The following CD300LF variants were observed in gnomAD, a reference collection of about 807,000 sequenced individuals.
CD300LF encodes CMRF35-like molecule 1.
CD300LF carries 27 observed loss-of-function variants against 32.2 expected under a neutral mutation model. That is an observed-to-expected ratio of 0.84 (90% CI 0.62 to 1.15). The LOEUF (loss-of-function observed/expected upper bound fraction) is 1.15, where lower values mean the gene tolerates loss of function less well. Among genes scored for constraint, CD300LF ranks in the 50% most tolerant of loss-of-function variants. CD300LF has a pLI of 0.00. For synonymous variants in CD300LF, 139 were observed against 143.2 expected, an observed-to-expected ratio of 0.97 and a Z score of 0.21; for missense variants, 348 against 356.8, an observed-to-expected ratio of 0.98 and a Z score of 0.20.
At chr17:74,707,659 G>A (rs2033623971) in intron 1 of CD300LF, among the ~76,000 whole-genome samples, 1 of 151,270 alleles carries the variant, frequency 6.6e-6, no homozygotes, top group East Asian at 1.9e-4. Flanking sequence ...AGGTTGCAGT[G>A]AGCCAAGATC....
rs778434603 is a variant in CD300LF at position 74,695,895 on chromosome 17, T to C, written c.583-36A>G. On this transcript the variant is annotated intron_variant, in intron 5 of 6. Coordinates refer to ENST00000326165, the MANE Select transcript of CD300LF (RefSeq NM_139018.5). ...GAACACAGGCTGGGGAGTCACAAGA[T>C]CTGTCTGTGGACACAGGTTCCTTTT... The C allele has an allele frequency of 1.6e-5, 26 of 1,601,124 alleles. No individual in the cohort carries two copies. The African/African-American group carries it at 2.4e-4, about 15-fold the overall frequency.
chr17:74,702,567 G>A (rs1362231127), intron 3 of CD300LF, among the ~76,000 whole-genome samples: 1 of 151,990 alleles, frequency 6.6e-6, no homozygotes, highest in Non-Finnish European at 1.5e-5. Context: ...GAAAATTAAG[G>A]GAAACAGGAC....
At chr17:74,701,168 T>TATA (rs1386469675) in intron 3 of CD300LF, among the ~76,000 whole-genome samples, 1 of 152,256 alleles carries the variant, frequency 6.6e-6, no homozygotes, top group Non-Finnish European at 1.5e-5. Flanking sequence ...AGCAAACTAA[T>TATA]ATAAGGATTA....
chr17:74,705,450 T>C, intron 1 of CD300LF: 1 of 509,382 alleles, frequency 2.0e-6, no homozygotes. Context: ...AATTGCAAAT[T>C]TGTGGATTTC....
intron 1 of CD300LF, among the ~76,000 whole-genome samples, chr17:74,707,439 G>A (rs1297637409): frequency 6.6e-6 from 1 of 152,212 alleles, no homozygotes; most frequent in Non-Finnish European, 1.5e-5. Context: ...AAGAGGGTCA[G>A]GCACAGTATT....
Position 74,695,176 on chromosome 17 carries a change from T to C in CD300LF, c.793A>G (p.Asn265Asp). The C allele has an allele frequency of 6.2e-7, 1 of 1,614,134 alleles. No individual in the cohort carries two copies. Among genetic ancestry groups the C allele is most frequent in the Non-Finnish European group, 8.5e-7 (1 of 1,180,010 alleles). ...GAEDQEPTYC[N>D]MGHLSSHLPG... Reference sequence around the variant, plus strand: ...AGGTGGCTACTGAGGTGGCCCATGTTGCAGTAGGTCGGTTCCTGATCCTCA... The same window carrying C: ...AGGTGGCTACTGAGGTGGCCCATGTCGCAGTAGGTCGGTTCCTGATCCTCA... The change falls in exon 7 of 7, where the codon AAC becomes GAC. Residue 265 changes from asparagine (N) to aspartate (D), a missense_variant. Physicochemically the swap from Asn to Asp is conservative, Grantham distance 23. Coordinates refer to ENST00000326165, the MANE Select transcript of CD300LF (RefSeq NM_139018.5).
chr17:74,699,539 CAG>C (rs1277351916), intron 3 of CD300LF, among the ~76,000 whole-genome samples: 1 of 152,072 alleles, frequency 6.6e-6, no homozygotes, highest in Non-Finnish European at 1.5e-5. Context: ...CATGAGACGA[CAG>C]AGACAGGGAT....
chr17:74,704,967 T>A (rs2033390423), intron 1 of CD300LF, 151 bp from the exon 2 acceptor site: 31 of 658,922 alleles, frequency 4.7e-5, no homozygotes, highest in Non-Finnish European at 5.2e-6. Flanking sequence ...CTTTTGTCCT[T>A]CAGCTTTCCA....
Position 74,694,771 on chromosome 17 carries a change from T to G in CD300LF, c.*325A>C. The G allele has an allele frequency of 1.8e-5, 4 of 219,230 alleles. No homozygotes were observed. The highest frequency in any genetic ancestry group is 2.7e-5 in the Non-Finnish European group (3 of 111,594). 13.6% of individuals were successfully genotyped at this position (219,230 alleles called of 1,614,324 possible). On this transcript the variant is annotated 3_prime_UTR_variant, in exon 7 of 7. Transcript: ENST00000326165. ...GTGGTAGGCAATAAATAAAGGTTCATTGTATTACGATAATGGTACTTCATG... is the reference window on the plus strand; with the variant it reads ...GTGGTAGGCAATAAATAAAGGTTCAGTGTATTACGATAATGGTACTTCATG...
rs953052846 is a variant in CD300LF at position 74,697,251 on chromosome 17, T to C, written c.560-1034A>G. On this transcript the variant is annotated intron_variant, in intron 4 of 6. Coordinates refer to ENST00000326165, the MANE Select transcript of CD300LF (RefSeq NM_139018.5). ...GAGCCACGACACCCAGAGATTGGAT[T>C]GGATTGTTTTTCCACTGGGACCGAT... Among the ~76,000 whole-genome samples, 6 of 152,156 alleles carry C rather than the reference T, an allele frequency of 3.9e-5. No homozygotes were observed. In the East Asian group the frequency reaches 1.2e-3, roughly 29 times the overall value.
chr17:74,695,232 T>G lies in CD300LF; in HGVS notation c.737A>C (p.Asp246Ala). The G allele has an allele frequency of 6.2e-7, 1 of 1,614,016 alleles. No homozygotes were observed. Among genetic ancestry groups the G allele is most frequent in the Non-Finnish European group, 8.5e-7 (1 of 1,179,970 alleles). The change falls in exon 7 of 7, where the codon GAC becomes GCC. Residue 246 changes from aspartate to alanine, a missense_variant. Asp to Ala is a moderately radical substitution (Grantham distance 126, BLOSUM62 -2). Transcript: ENST00000326165. ...YVTMASLPKE[D>A]ISYASLTLGA... Reference sequence around the variant, plus strand: ...CAAGGTCAGAGATGCATAGGAAATGTCCTCCTTCGGCAAGGAAGCCTGCAG... The same window carrying G: ...CAAGGTCAGAGATGCATAGGAAATGGCCTCCTTCGGCAAGGAAGCCTGCAG...
Position 74,704,691 on chromosome 17 carries a change from C to A in CD300LF, c.169G>T (p.Ala57Ser). The change falls in exon 2 of 7, where the codon GCT becomes TCT. Residue 57 changes from alanine to serine, a missense_variant. Ala to Ser is a moderately conservative substitution (Grantham distance 99). Transcript: ENST00000326165. ...ETYLKWWCRG[A>S]IWRDCKILVK... ...AGGATCTTGCAGTCACGCCAAATAGCTCCTCGACACCACCACTTCAAGTAG... is the reference window on the plus strand; with the variant it reads ...AGGATCTTGCAGTCACGCCAAATAGATCCTCGACACCACCACTTCAAGTAG... 1 of 1,614,200 alleles carries A rather than the reference C, an allele frequency of 6.2e-7. No individual in the cohort carries two copies. Among genetic ancestry groups the A allele is most frequent in the Non-Finnish European group, 8.5e-7 (1 of 1,180,034 alleles).
intron 1 of CD300LF, chr17:74,705,190 C>A (rs956587240): frequency 2.9e-6 from 2 of 698,304 alleles, no homozygotes; most frequent in African/African-American, 3.5e-5. Flanking sequence ...AGACCCCTTT[C>A]CACAGGGTCT....
intron 1 of CD300LF, among the ~76,000 whole-genome samples, chr17:74,709,629 C>T (rs910196481): frequency 2.0e-5 from 3 of 151,932 alleles, no homozygotes; most frequent in Non-Finnish European, 2.9e-5. Flanking sequence ...TGCACTGGTA[C>T]GAACATGGGT....
Position 74,703,162 on chromosome 17 carries a change from G to A in CD300LF, c.383-64C>T, listed in dbSNP as rs766305883. 6.2e-6 allele frequency: 10 copies of A among 1,601,192 alleles called. No individual in the cohort carries two copies. The East Asian group carries it at 1.1e-4, about 18-fold the overall frequency. On this transcript the variant is annotated intron_variant, in intron 2 of 6. Coordinates refer to ENST00000326165, the MANE Select transcript of CD300LF (RefSeq NM_139018.5). ...GTCGACGCTGTAGTTGATGCTTGGT[G>A]TATAAACCAGATCACAGATGCCCCT... is the stretch of plus-strand genomic sequence containing the variant.
intron 1 of CD300LF, chr17:74,705,184 C>A (rs772260580): frequency 1.4e-6 from 1 of 696,872 alleles, no homozygotes. Context: ...ACCAGGAGAC[C>A]CCTTTCCACA....
At chr17:74,701,962 CAGTGAGCCAAGATGGCACCATGCA>C (rs2033091462) in intron 3 of CD300LF, among the ~76,000 whole-genome samples, 7 of 151,198 alleles carry the variant, frequency 4.6e-5, no homozygotes, top group Admixed American at 4.6e-4. Flanking sequence ...GCAGAGGTTG[CAGTGAGCCAAGATGGCACCATGCA>C]CTCAAGTCTG....
At chr17:74,696,903 T>TGTTTGGTTTG (rs72122986) in intron 4 of CD300LF, among the ~76,000 whole-genome samples, 3,151 of 146,918 alleles carry the variant, frequency 0.021, 65 homozygotes, top group Non-Finnish European at 0.034. Flanking sequence ...GGACCGATTT[T>TGTTTGGTTTG]GTTTGGTTTG....
intron 1 of CD300LF, among the ~76,000 whole-genome samples, chr17:74,708,147 CAA>C (rs373733638): frequency 7.0e-4 from 57 of 81,266 alleles, no homozygotes; most frequent in Non-Finnish European, 1.1e-3. Context: ...GACTCCATCT[CAA>C]AAAAAAAAAA....
Sources: allele counts gnomAD v4.1 joint callset (sites outside exome capture counted in the v4.1 genomes callset), GRCh38; gene constraint gnomAD v4.1.1; transcripts MANE v1.5; gene names NCBI Gene and HGNC (gene_info 2026-07-23, HGNC 2026-07-21).